COL22A1: variants seen among roughly 807,000 people sequenced by gnomAD.
The protein encoded by COL22A1 is collagen type XXII alpha 1 chain, also known as collagen alpha-1(XXII) chain.
A neutral mutation model predicts 248.9 loss-of-function variants in COL22A1; 221 were observed. That is an observed-to-expected ratio of 0.89 (90% confidence interval 0.80 to 0.99). The LOEUF is 0.99. COL22A1 is among the 50% of genes least tolerant of loss of function. The probability of loss-of-function intolerance (pLI) is 0.00; values close to 1 mark genes in which losing one functional copy is unlikely to be tolerated. For missense variants in COL22A1, 2,240 were observed against 2,179.0 expected (o/e 1.03, Z -0.56); for synonymous variants, 891 against 793.4 (o/e 1.12, Z -2.07).
At chr8:138,844,242 C>A in intron 3 of COL22A1, 84 bp from the exon 4 acceptor site, 1 of 1,276,102 alleles carries the variant, frequency 7.8e-7, no homozygotes, top group African/African-American at 1.5e-5. Context: ...CACAAGACCC[C>A]ACCCTGCCTT....
At chr8:138,717,642 T>A (rs1338742504) in intron 27 of COL22A1, among the ~76,000 whole-genome samples, 3 of 152,056 alleles carry the variant, frequency 2.0e-5, no homozygotes, top group African/African-American at 4.8e-5. Context: ...TAAAAAAAAA[T>A]TCTGTAGAGA....
At position 138,833,200 on chromosome 8, in the gene COL22A1, G is replaced by A. The variant is rs190846437; in HGVS notation, c.734-50C>T. ...TGAGTTTGGAGAAGGAAGAGTATAA[G>A]AGACAAAGGAAAATCACATCCGCTG... On this transcript the variant is annotated intron_variant, in intron 4 of 64. Coordinates refer to ENST00000303045, the MANE Select transcript of COL22A1 (RefSeq NM_152888.3). 2.4e-4 allele frequency: 321 copies of A among 1,333,112 alleles called. 4 individuals carry two copies. In the East Asian group the frequency reaches 7.4e-3, roughly 31 times the overall value. The allele number at this position is 1,333,112 out of a possible 1,614,324, so 82.6% of individuals were successfully genotyped here.
At chr8:138,682,274 T>C (rs1826024364) in intron 39 of COL22A1, among the ~76,000 whole-genome samples, 1 of 152,186 alleles carries the variant, frequency 6.6e-6, no homozygotes, top group South Asian at 2.1e-4. Context: ...GTGGAATGCA[T>C]AGTAATCAGC....
intron 41 of COL22A1, among the ~76,000 whole-genome samples, chr8:138,664,199 G>A (rs1287990057): frequency 1.3e-5 from 1 of 74,558 alleles, no homozygotes; most frequent in Admixed American, 1.3e-4. Context: ...AGGGGTGCGC[G>A]CGCGCGCGCG....
chr8:138,676,446 A>AAAGG (rs1825537406), intron 41 of COL22A1, 112 bp downstream of exon 41: 1 of 511,266 alleles, frequency 2.0e-6, no homozygotes, highest in African/African-American at 2.4e-5. Flanking sequence ...AGAAAGAAAG[A>AAAGG]AAGAAAGAAA....
chr8:138,881,652 T>C (rs1824223309), intron 2 of COL22A1, among the ~76,000 whole-genome samples: 1 of 152,218 alleles, frequency 6.6e-6, no homozygotes, highest in Admixed American at 6.5e-5. Flanking sequence ...GCCGCTGCAC[T>C]CCAGCCTGGG....
chr8:138,592,032 C>T (rs1817106899), intron 63 of COL22A1, among the ~76,000 whole-genome samples: 8 of 152,170 alleles, frequency 5.3e-5, no homozygotes, highest in Admixed American at 5.2e-4. Context: ...ATAACCAATT[C>T]AACACGCATG....
chr8:138,814,138 G>T (rs998159045), intron 7 of COL22A1, among the ~76,000 whole-genome samples: 1 of 152,222 alleles, frequency 6.6e-6, no homozygotes, highest in Non-Finnish European at 1.5e-5. Flanking sequence ...GGCTCCCCAG[G>T]TGTCCCTCTC....
intron 47 of COL22A1, among the ~76,000 whole-genome samples, chr8:138,642,400 C>A (rs190372629): frequency 6.6e-6 from 1 of 152,190 alleles, no homozygotes; most frequent in Non-Finnish European, 1.5e-5. Flanking sequence ...CTCTGCCCAA[C>A]GCAACTGCCT....
At chr8:138,640,156 T>C (rs976119481) in intron 47 of COL22A1, among the ~76,000 whole-genome samples, 1 of 152,214 alleles carries the variant, frequency 6.6e-6, no homozygotes, top group African/African-American at 2.4e-5. Flanking sequence ...TTTAATGCTA[T>C]TCAATAATAA....
At chr8:138,857,233 C>G (rs2131936801) in intron 3 of COL22A1, among the ~76,000 whole-genome samples, 1 of 152,264 alleles carries the variant, frequency 6.6e-6, no homozygotes, top group East Asian at 1.9e-4. Flanking sequence ...ACATTGGGCC[C>G]AGGTCCACTA....
chr8:138,689,380 A>T (rs116709134), intron 36 of COL22A1, among the ~76,000 whole-genome samples: 292 of 152,266 alleles, frequency 1.9e-3, no homozygotes, highest in African/African-American at 6.8e-3. Context: ...TGACTTTGAG[A>T]CATGGTTTAA....
At chr8:138,912,789 G>A (rs1449728110) in intron 1 of COL22A1, among the ~76,000 whole-genome samples, 1 of 151,708 alleles carries the variant, frequency 6.6e-6, no homozygotes, top group Admixed American at 6.6e-5. Flanking sequence ...TCTGGAAGAT[G>A]ACAAGTCATG....
intron 1 of COL22A1, 74 bp from the exon 2 acceptor site, chr8:138,883,318 C>A: frequency 2.5e-6 from 2 of 788,958 alleles, no homozygotes; most frequent in Middle Eastern, 4.7e-4. Context: ...TGGGCCCTGC[C>A]CAGGGGGATT....
intron 1 of COL22A1, among the ~76,000 whole-genome samples, chr8:138,895,098 G>A (rs1378855030): frequency 6.7e-6 from 1 of 150,074 alleles, no homozygotes; most frequent in Non-Finnish European, 1.5e-5. Context: ...AAAAAACACT[G>A]TATTTTTTTG....
chr8:138,901,507 C>T (rs1379604391), intron 1 of COL22A1, among the ~76,000 whole-genome samples: 1 of 151,848 alleles, frequency 6.6e-6, no homozygotes, highest in Admixed American at 6.6e-5. Context: ...GCTGAGACTA[C>T]AGGTACATAC....
chr8:138,720,733 C>T lies in COL22A1; in HGVS notation c.2355+6G>A. On this transcript the variant is annotated splice_donor_region_variant and intron_variant, in intron 27 of 64. Transcript: ENST00000303045. ...GCATAATGGGAAAAAGAGGCAAAGT[C>T]CATACCCGAAGGCCTGGTTTTCCAG... The T allele has an allele frequency of 1.2e-6, 2 of 1,612,690 alleles. No homozygotes were observed. Among genetic ancestry groups the T allele is most frequent in the South Asian group, 1.1e-5 (1 of 91,024 alleles).
Position 138,811,937 on chromosome 8 carries a change from A to G in COL22A1, c.1327-16T>C. 6.5e-7 allele frequency: 1 copy of G among 1,531,624 alleles called. No individual in the cohort carries two copies. The highest frequency in any genetic ancestry group is 8.8e-7 in the Non-Finnish European group (1 of 1,138,182). 94.9% of individuals were successfully genotyped at this position (1,531,624 alleles called of 1,614,324 possible). A position where few individuals can be genotyped will look rare whatever the true frequency, so the allele number is the denominator to read the frequency against. On this transcript the variant is annotated splice_polypyrimidine_tract_variant and intron_variant, in intron 8 of 64. Transcript: ENST00000303045. ...TCACCTGGCACTGGAAGGAAAGCCC[A>G]GGAGGTCAGAACCTGGCTCTTCACT...
intron 47 of COL22A1, among the ~76,000 whole-genome samples, chr8:138,643,214 C>T (rs12546338): frequency 0.053 from 8,119 of 152,260 alleles, 269 homozygotes; most frequent in South Asian, 0.11. Context: ...TTTGAAGATG[C>T]TACACTTTCC....
Sources: allele counts gnomAD v4.1 joint callset (sites outside exome capture counted in the v4.1 genomes callset), GRCh38; gene constraint gnomAD v4.1.1; transcripts MANE v1.5; gene names NCBI Gene and HGNC (gene_info 2026-07-23, HGNC 2026-07-21).